The following NDUFAF6 variants were observed in gnomAD, a reference collection of about 807,000 sequenced individuals.
The protein encoded by NDUFAF6 is NADH dehydrogenase (ubiquinone) complex I, assembly factor 6.
Under a neutral mutation model 40.8 loss-of-function variants are expected in NDUFAF6, and 45 were observed. The ratio of observed to expected loss-of-function variants is 1.10; its 90% CI spans 0.87 to 1.42. The LOEUF is 1.42. Among genes scored for constraint, NDUFAF6 ranks in the 40% most tolerant of loss-of-function variants. The pLI is 0.00. For synonymous variants in NDUFAF6, 185 were observed against 155.9 expected, an observed-to-expected ratio of 1.19 and a Z score of -1.39; for missense variants, 435 against 418.5, an observed-to-expected ratio of 1.04 and a Z score of -0.34.
upstream of NDUFAF6, among the ~76,000 whole-genome samples, chr8:95,095,666 T>C (rs1385709717): frequency 8.7e-5 from 3 of 34,458 alleles, no homozygotes; most frequent in African/African-American, 2.1e-4. Flanking sequence ...ATCATTTCGC[T>C]TTTTTTTTTT....
At chr8:95,089,687 C>T (rs1451711) in intron 2 of NDUFAF6, among the ~76,000 whole-genome samples, 106,400 of 151,860 alleles carry the variant, frequency 0.7, 37,937 homozygotes, top group East Asian at 0.9. Context: ...AATGGGTACC[C>T]CTCTTCCAAA....
rs543356372 is a variant in NDUFAF6, at chr8:95,045,509, G to T, written c.478-36G>T. The stretch of plus-strand genomic sequence containing the variant: ...ACCTTTTCTTTCTAAAATATTGACA[G>T]TTCAACAGACTTTATTTGCATTTTA... On this transcript the variant is annotated intron_variant, in intron 4 of 8. Coordinates refer to ENST00000396124, the MANE Select transcript of NDUFAF6 (RefSeq NM_152416.4). 78 of 1,479,146 alleles carry T rather than the reference G, an allele frequency of 5.3e-5. No homozygotes were observed. In the Admixed American group the frequency reaches 1.0e-3, roughly 19 times the overall value. The allele number at this position is 1,479,146 out of a possible 1,614,324, so 91.6% of individuals were successfully genotyped here. A position where few individuals can be genotyped will look rare whatever the true frequency, so the allele number is the denominator to read the frequency against.
chr8:94,980,045 C>T (rs565947620), intron 1 of NDUFAF6, among the ~76,000 whole-genome samples: 24 of 150,364 alleles, frequency 1.6e-4, no homozygotes, highest in Non-Finnish European at 3.1e-4. Flanking sequence ...TACAGTGAGC[C>T]GAGATCATGC....
chr8:94,924,175 C>G (rs1413117883), intron 1 of NDUFAF6, among the ~76,000 whole-genome samples: 2 of 152,132 alleles, frequency 1.3e-5, no homozygotes, highest in African/African-American at 4.8e-5. Context: ...ATTCTCCTGC[C>G]TCAGCCTCCT....
upstream of NDUFAF6, among the ~76,000 whole-genome samples, chr8:95,024,624 A>T (rs1827853472): frequency 6.6e-6 from 1 of 152,232 alleles, no homozygotes; most frequent in African/African-American, 2.4e-5. Context: ...GCCCCTGTTG[A>T]GAAACAGTGC....
At chr8:94,958,130 T>G (rs1001593860) in exon 1 of NDUFAF6, 4 of 152,408 alleles carry the variant, frequency 2.6e-5, no homozygotes, top group African/African-American at 9.7e-5. Context: ...GAGTCCTGAC[T>G]GGAGTAGGTT....
chr8:95,056,435 A>T (rs1428302927), intron 8 of NDUFAF6, among the ~76,000 whole-genome samples: 3 of 150,794 alleles, frequency 2.0e-5, no homozygotes, highest in Non-Finnish European at 4.4e-5. Flanking sequence ...CTAGTCTTGA[A>T]CTCTTGAGCT....
At chr8:94,999,494 G>A (rs1826617882) in intron 2 of NDUFAF6, among the ~76,000 whole-genome samples, 2 of 151,846 alleles carry the variant, frequency 1.3e-5, no homozygotes, top group South Asian at 4.2e-4. Context: ...TTGGCTCACT[G>A]CAACCTCCAC....
chr8:95,014,320 A>G (rs542241250), intron 2 of NDUFAF6, among the ~76,000 whole-genome samples: 10 of 152,364 alleles, frequency 6.6e-5, no homozygotes, highest in Admixed American at 4.6e-4. Context: ...GTCACATATA[A>G]TAGTAGAGGG....
chr8:94,904,025 C>A (rs925654754), intron 1 of NDUFAF6, among the ~76,000 whole-genome samples: 15 of 152,190 alleles, frequency 9.9e-5, no homozygotes, highest in African/African-American at 3.6e-4. Flanking sequence ...GCCTTCTTTC[C>A]CCTTTTGGTT....
intron 5 of NDUFAF6, 112 bp downstream of exon 5, chr8:95,045,759 C>A: frequency 1.3e-6 from 1 of 778,884 alleles, no homozygotes; most frequent in Non-Finnish European, 2.2e-6. Context: ...TTCCTTTATA[C>A]TATCTGTAAA....
intron 2 of NDUFAF6, among the ~76,000 whole-genome samples, chr8:95,009,836 C>T (rs185976177): frequency 9.2e-5 from 14 of 152,204 alleles, no homozygotes; most frequent in African/African-American, 2.9e-4. Flanking sequence ...ACAGAATACT[C>T]GTTTGAATGT....
At chr8:94,994,869 C>A (rs1826352734) in intron 2 of NDUFAF6, among the ~76,000 whole-genome samples, 3 of 152,172 alleles carry the variant, frequency 2.0e-5, no homozygotes, top group South Asian at 4.1e-4. Flanking sequence ...GACAAAAACA[C>A]ACGATGGACC....
upstream of NDUFAF6, among the ~76,000 whole-genome samples, chr8:94,954,984 C>T (rs77371101): frequency 4.5e-4 from 68 of 152,306 alleles, 1 homozygote; most frequent in East Asian, 0.012. Flanking sequence ...TAAATACACT[C>T]TGTGCTGTCT....
At chr8:95,022,711 A>C (rs1827741738), upstream of NDUFAF6, among the ~76,000 whole-genome samples, 1 of 152,168 alleles carries the variant, frequency 6.6e-6, no homozygotes, top group Non-Finnish European at 1.5e-5. Context: ...CTTTTTAAAG[A>C]CTGCAAAATC....
At chr8:94,915,532 C>T (rs192440136) in intron 1 of NDUFAF6, among the ~76,000 whole-genome samples, 28 of 152,240 alleles carry the variant, frequency 1.8e-4, no homozygotes, top group East Asian at 1.7e-3. Flanking sequence ...GATGAACATG[C>T]GAGTGCAGGT....
At chr8:94,905,604 T>A (rs981309691) in intron 1 of NDUFAF6, among the ~76,000 whole-genome samples, 1 of 152,228 alleles carries the variant, frequency 6.6e-6, no homozygotes, top group Admixed American at 6.5e-5. Context: ...TGCCCCTTCC[T>A]ACCAAGGTAC....
intron 2 of NDUFAF6, among the ~76,000 whole-genome samples, chr8:95,000,950 C>A (rs1826701830): frequency 6.7e-6 from 1 of 149,176 alleles, no homozygotes; most frequent in African/African-American, 2.5e-5. Context: ...ATTGCTTCCC[C>A]TTACTTTTTT....
At chr8:94,909,870 A>G (rs1264784644) in intron 1 of NDUFAF6, among the ~76,000 whole-genome samples, 2 of 151,866 alleles carry the variant, frequency 1.3e-5, no homozygotes, top group Admixed American at 1.3e-4. Context: ...TGGCTTCTCC[A>G]GCCAGTGCCT....
Sources: allele counts gnomAD v4.1 joint callset (sites outside exome capture counted in the v4.1 genomes callset), GRCh38; gene constraint gnomAD v4.1.1; transcripts MANE v1.5; gene names NCBI Gene and HGNC (gene_info 2026-07-23, HGNC 2026-07-21).